MTDH: variants seen among roughly 807,000 people sequenced by gnomAD.
The protein encoded by MTDH is metadherin, also known as protein LYRIC.
A neutral mutation model predicts 72.7 loss-of-function variants in MTDH; 34 were observed. The ratio of observed to expected loss-of-function variants is 0.47; its 90% CI spans 0.36 to 0.62. The LOEUF is 0.62. Among genes scored for constraint, MTDH ranks in the 20% least tolerant of loss-of-function variants. MTDH has a pLI of 0.00. For synonymous variants in MTDH, 266 were observed against 268.9 expected (o/e 0.99, Z 0.10); for missense variants, 677 against 699.4 (o/e 0.97, Z 0.36).
chr8:97,683,588 C>T (rs1472169353), intron 2 of MTDH, among the ~76,000 whole-genome samples: 1 of 151,536 alleles, frequency 6.6e-6, no homozygotes, highest in Non-Finnish European at 1.5e-5. Context: ...GAGAGAATCT[C>T]CCTGTGTGTT....
intron 9 of MTDH, among the ~76,000 whole-genome samples, chr8:97,714,450 A>C (rs1274440406): frequency 6.6e-6 from 1 of 151,648 alleles, no homozygotes; most frequent in Admixed American, 6.6e-5. Flanking sequence ...CTGTCTCTAC[A>C]AAAATTAGCT....
At chr8:97,682,256 A>G (rs1281217338) in intron 2 of MTDH, among the ~76,000 whole-genome samples, 4 of 5,104 alleles carry the variant, frequency 7.8e-4, no homozygotes, top group African/African-American at 2.8e-3. Context: ...ATATATATAT[A>G]TATATATATA....
chr8:97,692,524 C>T (rs1405403895), intron 6 of MTDH, among the ~76,000 whole-genome samples: 8 of 151,554 alleles, frequency 5.3e-5, no homozygotes, highest in Non-Finnish European at 1.2e-4. Context: ...AGGCATACGC[C>T]ACCAAACTCA....
chr8:97,670,040 C>T (rs1373504318), intron 2 of MTDH, among the ~76,000 whole-genome samples: 4 of 151,882 alleles, frequency 2.6e-5, no homozygotes, highest in Non-Finnish European at 4.4e-5. Context: ...CGTGCCTGGG[C>T]GCCGTGGCTC....
intron 2 of MTDH, among the ~76,000 whole-genome samples, chr8:97,668,638 T>C (rs1302689215): frequency 2.6e-5 from 4 of 151,840 alleles, no homozygotes; most frequent in African/African-American, 9.7e-5. Context: ...CACTGCAACC[T>C]CTGCCTCCCA....
intron 2 of MTDH, among the ~76,000 whole-genome samples, chr8:97,680,748 G>A (rs1195152953): frequency 6.6e-6 from 1 of 152,106 alleles, no homozygotes; most frequent in Non-Finnish European, 1.5e-5. Flanking sequence ...GAGGTTTTGG[G>A]TTAAAGGTCG....
chr8:97,648,128 T>A (rs1418006744), intron 1 of MTDH, among the ~76,000 whole-genome samples: 2 of 152,168 alleles, frequency 1.3e-5, no homozygotes, highest in Non-Finnish European at 2.9e-5. Context: ...TTTCTGAAAT[T>A]ATTTTATCAA....
At chr8:97,671,951 T>C (rs1812642785) in intron 2 of MTDH, among the ~76,000 whole-genome samples, 1 of 152,148 alleles carries the variant, frequency 6.6e-6, no homozygotes, top group Non-Finnish European at 1.5e-5. Flanking sequence ...GAGATCAGTG[T>C]CTAGAAAGTC....
At chr8:97,706,786 A>G (rs1171162935) in intron 8 of MTDH, 36 bp downstream of exon 8, 3 of 1,595,650 alleles carry the variant, frequency 1.9e-6, no homozygotes, top group South Asian at 2.3e-5. Context: ...TTATTTGTTA[A>G]TGAAAGAGAC....
At position 97,644,500 on chromosome 8, in the gene MTDH, A is replaced by C; in HGVS notation, c.-7A>C. 1 of 1,569,200 alleles carries C rather than the reference A, an allele frequency of 6.4e-7. No individual in the cohort carries two copies. The highest frequency in any genetic ancestry group is 8.6e-7 in the Non-Finnish European group (1 of 1,165,426). On this transcript the variant is annotated 5_prime_UTR_variant, in exon 1 of 12. Transcript: ENST00000336273. ...TCATCCTGCGAGTCCCTCTGACGGG[A>C]GGGAAGATGGCTGCACGGAGCTGGC...
In MTDH at chr8:97,691,191, A is replaced by T. The variant is rs776468872; in HGVS notation, c.1048+3A>T. 2 of 1,540,332 alleles carry T rather than the reference A, an allele frequency of 1.3e-6. No individual in the cohort carries two copies. Among genetic ancestry groups the T allele is most frequent in the Non-Finnish European group, 1.8e-6 (2 of 1,140,296 alleles). On this transcript the variant is annotated splice_donor_region_variant and intron_variant, in intron 6 of 11. Coordinates refer to ENST00000336273, the MANE Select transcript of MTDH (RefSeq NM_178812.4). ...CCGTTCAATATTTTCTGGCATTGGT[A>T]AGAAGTGTTAGAAAAATTTAACTTT...
intron 2 of MTDH, among the ~76,000 whole-genome samples, chr8:97,681,224 A>G (rs2130983665): frequency 6.6e-6 from 1 of 152,226 alleles, no homozygotes; most frequent in Admixed American, 6.5e-5. Flanking sequence ...TTGTTCTGAG[A>G]AAAAATCCAC....
intron 9 of MTDH, among the ~76,000 whole-genome samples, chr8:97,717,581 G>A (rs566915528): frequency 8.3e-4 from 125 of 150,766 alleles, no homozygotes; most frequent in African/African-American, 1.2e-3. Context: ...GCCTGTCTGC[G>A]TTTGTTAGTG....
At chr8:97,714,439 C>G (rs1814766865) in intron 9 of MTDH, among the ~76,000 whole-genome samples, 1 of 151,866 alleles carries the variant, frequency 6.6e-6, no homozygotes, top group Non-Finnish European at 1.5e-5. Flanking sequence ...ATGGCAAAAC[C>G]CTGTCTCTAC....
chr8:97,657,793 G>A (rs931394037), intron 1 of MTDH, among the ~76,000 whole-genome samples: 7 of 152,136 alleles, frequency 4.6e-5, no homozygotes, highest in African/African-American at 1.7e-4. Flanking sequence ...ACAGCCGTGA[G>A]CCACTGCACC....
At chr8:97,650,293 G>A (rs918850625) in intron 1 of MTDH, among the ~76,000 whole-genome samples, 9 of 151,304 alleles carry the variant, frequency 5.9e-5, no homozygotes, top group African/African-American at 1.9e-4. Flanking sequence ...ATTTCTTTTC[G>A]AAACAGGGTC....
intron 2 of MTDH, among the ~76,000 whole-genome samples, chr8:97,664,541 A>C (rs934681239): frequency 6.6e-6 from 1 of 152,042 alleles, no homozygotes; most frequent in Non-Finnish European, 1.5e-5. Flanking sequence ...ACATGCTACA[A>C]CTCATGGCTG....
chr8:97,708,653 G>A (rs781221984), intron 8 of MTDH, among the ~76,000 whole-genome samples: 11 of 114,236 alleles, frequency 9.6e-5, no homozygotes, highest in African/African-American at 1.6e-4. Context: ...AGGCTGGAGT[G>A]CAGTGGCATG....
In MTDH at chr8:97,656,365, C is replaced by T. The variant is rs140829417; in HGVS notation, c.382-4707C>T. Among the ~76,000 whole-genome samples, 885 of 140,660 alleles carry T rather than the reference C, an allele frequency of 6.3e-3. 6 individuals carry two copies. Among genetic ancestry groups the T allele is most frequent in the African/African-American group, 0.022 (800 of 37,174 alleles). The allele number at this position is 140,660 out of a possible 152,430, so 92.3% of individuals were successfully genotyped here. A position where few individuals can be genotyped will look rare whatever the true frequency, so the allele number is the denominator to read the frequency against. ...CTGTCCCCAGGCTGGAGTGCAGTGGCGCGATCTCAGCTCACTGCAACCTCC... is the reference window on the plus strand; with the variant it reads ...CTGTCCCCAGGCTGGAGTGCAGTGGTGCGATCTCAGCTCACTGCAACCTCC... On this transcript the variant is annotated intron_variant, in intron 1 of 11. Coordinates refer to ENST00000336273, the MANE Select transcript of MTDH (RefSeq NM_178812.4).
Sources: allele counts gnomAD v4.1 joint callset (sites outside exome capture counted in the v4.1 genomes callset), GRCh38; gene constraint gnomAD v4.1.1; transcripts MANE v1.5; gene names NCBI Gene and HGNC (gene_info 2026-07-23, HGNC 2026-07-21).